The following EPHA6 variants were observed in gnomAD, a reference collection of about 807,000 sequenced individuals.
The protein encoded by EPHA6 is EPH receptor A6, also known as ephrin type-A receptor 6.
Under a neutral mutation model 112.0 loss-of-function variants are expected in EPHA6, and 50 were observed. That is an observed-to-expected ratio of 0.45 (90% CI 0.36 to 0.56). The LOEUF (loss-of-function observed/expected upper bound fraction) is 0.56. EPHA6 is among the 20% of genes least tolerant of loss of function. EPHA6 has a pLI of 0.00. For synonymous variants in EPHA6, 529 were observed against 490.7 expected (o/e 1.08, Z -1.03); for missense variants, 1,280 against 1,417.4 (o/e 0.90, Z 1.56).
intron 3 of EPHA6, among the ~76,000 whole-genome samples, chr3:97,225,842 A>C (rs2078338624): frequency 1.3e-5 from 2 of 152,240 alleles, no homozygotes; most frequent in African/African-American, 4.8e-5. Flanking sequence ...ACTCAGAAGA[A>C]CTGAAGGGAA....
chr3:97,659,065 A>G (rs1166458289), intron 14 of EPHA6, among the ~76,000 whole-genome samples: 1 of 152,012 alleles, frequency 6.6e-6, no homozygotes, highest in African/African-American at 2.4e-5. Context: ...TGAACTATTT[A>G]CCCAGAGAGG....
chr3:97,313,118 C>T (rs1353847610), intron 5 of EPHA6, among the ~76,000 whole-genome samples: 1 of 151,354 alleles, frequency 6.6e-6, no homozygotes, highest in African/African-American at 2.4e-5. Flanking sequence ...CTCTCTATTT[C>T]GATGAGATCA....
intron 10 of EPHA6, among the ~76,000 whole-genome samples, chr3:97,489,704 A>G (rs7634399): frequency 0.017 from 2,626 of 151,876 alleles, 69 homozygotes; most frequent in African/African-American, 0.059. Context: ...AAAAAAAAGA[A>G]ACTCAAAACT....
At chr3:97,346,097 G>A (rs1305165620) in intron 5 of EPHA6, among the ~76,000 whole-genome samples, 1 of 151,688 alleles carries the variant, frequency 6.6e-6, no homozygotes, top group Non-Finnish European at 1.5e-5. Context: ...TTTTTTTCCA[G>A]AGGGGTTGGG....
chr3:97,640,462 A>T (rs1488837221), intron 14 of EPHA6, among the ~76,000 whole-genome samples: 1 of 152,082 alleles, frequency 6.6e-6, no homozygotes, highest in African/African-American at 2.4e-5. Flanking sequence ...ACATAGACGC[A>T]TGTCTTAGAA....
At chr3:97,573,917 T>A (rs533824947) in intron 11 of EPHA6, among the ~76,000 whole-genome samples, 56 of 151,714 alleles carry the variant, frequency 3.7e-4, no homozygotes, top group African/African-American at 1.2e-3. Context: ...GGCACAGAAC[T>A]TAGTCACAGG....
intron 3 of EPHA6, among the ~76,000 whole-genome samples, chr3:97,187,662 GGAAA>G (rs1337796508): frequency 2.0e-4 from 20 of 101,764 alleles, no homozygotes; most frequent in South Asian, 5.8e-4. Context: ...AAGAAAGAAA[GGAAA>G]GAAAGAAAGA....
At chr3:97,300,170 C>G (rs1330964302) in intron 5 of EPHA6, among the ~76,000 whole-genome samples, 1 of 152,058 alleles carries the variant, frequency 6.6e-6, no homozygotes, top group Non-Finnish European at 1.5e-5. Context: ...TTATAGTCGC[C>G]TTTTATCACA....
intron 13 of EPHA6, chr3:97,612,529 G>T: frequency 3.9e-6 from 1 of 254,338 alleles, no homozygotes; most frequent in South Asian, 4.2e-5. Flanking sequence ...GTGGAATAAT[G>T]AATCCATTAA....
intron 7 of EPHA6, among the ~76,000 whole-genome samples, chr3:97,467,618 T>C (rs76583449): frequency 0.02 from 3,073 of 151,932 alleles, 102 homozygotes; most frequent in African/African-American, 0.068. Context: ...AAAAGACTTT[T>C]TAAAGGATGA....
At chr3:97,507,214 G>T (rs1260872862) in intron 10 of EPHA6, among the ~76,000 whole-genome samples, 2 of 152,178 alleles carry the variant, frequency 1.3e-5, no homozygotes, top group African/African-American at 2.4e-5. Context: ...AATAGGAGTG[G>T]TGAGAGAGGG....
At chr3:97,345,207 T>C (rs1408443625) in intron 5 of EPHA6, among the ~76,000 whole-genome samples, 1 of 152,206 alleles carries the variant, frequency 6.6e-6, no homozygotes, top group Non-Finnish European at 1.5e-5. Context: ...TTTGCATAAA[T>C]TCTGACAGTG....
At chr3:97,218,736 A>G (rs1391379424) in intron 3 of EPHA6, among the ~76,000 whole-genome samples, 1 of 152,164 alleles carries the variant, frequency 6.6e-6, no homozygotes, top group South Asian at 2.1e-4. Flanking sequence ...TCACATTATG[A>G]TACCAATCAT....
At chr3:97,193,625 A>G (rs1269252855) in intron 3 of EPHA6, among the ~76,000 whole-genome samples, 1 of 151,416 alleles carries the variant, frequency 6.6e-6, no homozygotes, top group African/African-American at 2.4e-5. Context: ...GTTGTCCTTT[A>G]TATCTTTCTC....
chr3:97,559,817 G>T (rs796959276), intron 11 of EPHA6, among the ~76,000 whole-genome samples: 12 of 152,026 alleles, frequency 7.9e-5, no homozygotes, highest in African/African-American at 2.9e-4. Context: ...CTCATTAAGG[G>T]ATGCAGCTCT....
intron 3 of EPHA6, among the ~76,000 whole-genome samples, chr3:97,054,220 T>C (rs1384387258): frequency 1.3e-5 from 2 of 151,506 alleles, no homozygotes; most frequent in Non-Finnish European, 2.9e-5. Context: ...ACTACCTGAA[T>C]CCCTAAAAAG....
chr3:97,001,898 G>A (rs955081679), intron 3 of EPHA6, among the ~76,000 whole-genome samples: 6 of 152,024 alleles, frequency 3.9e-5, no homozygotes, highest in Non-Finnish European at 8.8e-5. Flanking sequence ...AGTATCAAAA[G>A]TGACTGCCAT....
chr3:97,723,672 A>T (rs1559628859), intron 15 of EPHA6, among the ~76,000 whole-genome samples: 1 of 151,412 alleles, frequency 6.6e-6, no homozygotes, highest in Non-Finnish European at 1.5e-5. Context: ...GAATCTGGGA[A>T]AAGGGGAAAA....
chr3:97,401,156 T>A (rs896193171), intron 5 of EPHA6, among the ~76,000 whole-genome samples: 1 of 151,802 alleles, frequency 6.6e-6, no homozygotes, highest in Non-Finnish European at 1.5e-5. Context: ...AAATGCTTTT[T>A]TTTGCATCTG....
Sources: allele counts gnomAD v4.1 joint callset (sites outside exome capture counted in the v4.1 genomes callset), GRCh38; gene constraint gnomAD v4.1.1; transcripts MANE v1.5; gene names NCBI Gene and HGNC (gene_info 2026-07-23, HGNC 2026-07-21).